PLD5: variants seen among roughly 807,000 people sequenced by gnomAD.
PLD5 encodes phospholipase D family member 5.
PLD5 carries 36 observed loss-of-function variants against 61.1 expected under a neutral mutation model. That is an observed-to-expected ratio of 0.59 (90% CI 0.45 to 0.78). The LOEUF (loss-of-function observed/expected upper bound fraction) is 0.78, where lower values mean the gene tolerates loss of function less well. PLD5 is among the 30% of genes least tolerant of loss of function. The probability of loss-of-function intolerance (pLI) is 0.00; values close to 1 mark genes in which losing one functional copy is unlikely to be tolerated. For synonymous variants in PLD5, 243 were observed against 242.8 expected (o/e 1.00, Z -0.01); for missense variants, 515 against 644.4 (o/e 0.80, Z 2.17).
chr1:242,090,674 T>C (rs1026961029), intron 9 of PLD5, among the ~76,000 whole-genome samples: 1 of 152,194 alleles, frequency 6.6e-6, no homozygotes, highest in African/African-American at 2.4e-5. Flanking sequence ...GAGAACAGCC[T>C]CTCAAGTATG....
intron 5 of PLD5, among the ~76,000 whole-genome samples, chr1:242,194,507 G>A (rs1350597165): frequency 3.9e-5 from 6 of 152,064 alleles, no homozygotes; most frequent in South Asian, 2.1e-4. Context: ...TTGCAAAATC[G>A]TGGAACCAAC....
chr1:242,136,230 T>C (rs925840726), intron 5 of PLD5, among the ~76,000 whole-genome samples: 1 of 152,202 alleles, frequency 6.6e-6, no homozygotes. Flanking sequence ...ACCATGTCGC[T>C]CAACCTCATT....
At chr1:242,142,821 T>C (rs1163902177) in intron 5 of PLD5, among the ~76,000 whole-genome samples, 3 of 151,668 alleles carry the variant, frequency 2.0e-5, no homozygotes, top group Non-Finnish European at 2.9e-5. Context: ...CTGCCTCCCA[T>C]GTTCAAGCGA....
chr1:242,439,213 G>A (rs753828338), intron 1 of PLD5, among the ~76,000 whole-genome samples: 5 of 152,150 alleles, frequency 3.3e-5, no homozygotes, highest in South Asian at 2.1e-4. Flanking sequence ...TCTTGTTCAC[G>A]TAGAGTCCAA....
chr1:242,133,178 T>C (rs1009745870), intron 5 of PLD5, among the ~76,000 whole-genome samples: 2 of 152,130 alleles, frequency 1.3e-5, no homozygotes, highest in African/African-American at 4.8e-5. Flanking sequence ...GTGACTTCAC[T>C]TCAGCCTCTG....
At chr1:242,430,749 A>C (rs1358597570) in intron 1 of PLD5, among the ~76,000 whole-genome samples, 1 of 152,260 alleles carries the variant, frequency 6.6e-6, no homozygotes, top group East Asian at 1.9e-4. Flanking sequence ...AATTGGGAGC[A>C]GACATCACTC....
rs148349833 is a variant in PLD5 at position 242,514,035 on chromosome 1, A to G, written c.189+10053T>C. On this transcript the variant is annotated intron_variant, in intron 1 of 9. Transcript: ENST00000536534. ...AAAAGATGCTACACTGGTCTCCCCA[A>G]TTCTAGGCTCTCATTCCTCAACACT... Among the ~76,000 whole-genome samples, 1,506 of 152,314 alleles carry G rather than the reference A, an allele frequency of 9.9e-3. 23 individuals are homozygous for G. Among genetic ancestry groups the G allele is most frequent in the African/African-American group, 0.033 (1,379 of 41,574 alleles).
At chr1:242,315,332 C>T (rs748423626) in intron 2 of PLD5, among the ~76,000 whole-genome samples, 3 of 152,060 alleles carry the variant, frequency 2.0e-5, no homozygotes, top group Non-Finnish European at 2.9e-5. Context: ...TAAACAATAC[C>T]GGAAAGGACA....
At chr1:242,465,905 G>A (rs943141886) in intron 1 of PLD5, among the ~76,000 whole-genome samples, 7 of 152,140 alleles carry the variant, frequency 4.6e-5, no homozygotes, top group Non-Finnish European at 1.0e-4. Context: ...CTCTAGCCTA[G>A]GCAACAGAGC....
At chr1:242,381,070 ATCAT>A (rs1431500894) in intron 1 of PLD5, among the ~76,000 whole-genome samples, 1 of 152,242 alleles carries the variant, frequency 6.6e-6, no homozygotes. Flanking sequence ...AGGAATATAA[ATCAT>A]TCTATTATAA....
intron 2 of PLD5, among the ~76,000 whole-genome samples, chr1:242,346,366 G>A (rs1343372568): frequency 2.0e-5 from 3 of 152,054 alleles, no homozygotes; most frequent in Non-Finnish European, 4.4e-5. Context: ...AAACTGCTAC[G>A]GTTTGACCTC....
intron 5 of PLD5, among the ~76,000 whole-genome samples, chr1:242,157,086 G>C (rs1665433435): frequency 6.6e-6 from 1 of 152,002 alleles, no homozygotes; most frequent in South Asian, 2.1e-4. Flanking sequence ...TTGTCTTCTA[G>C]CTTTATTTCA....
At chr1:242,194,767 T>G (rs1668529139) in intron 5 of PLD5, among the ~76,000 whole-genome samples, 1 of 151,968 alleles carries the variant, frequency 6.6e-6, no homozygotes, top group Non-Finnish European at 1.5e-5. Context: ...CTAAGTGAAG[T>G]AACTCAGGAA....
intron 2 of PLD5, among the ~76,000 whole-genome samples, chr1:242,317,949 C>T (rs777074041): frequency 3.3e-5 from 5 of 152,178 alleles, no homozygotes; most frequent in African/African-American, 4.8e-5. Context: ...CTGAATGCTA[C>T]TGTTCATGGG....
At chr1:242,501,966 G>C (rs182596076) in intron 1 of PLD5, among the ~76,000 whole-genome samples, 1 of 152,008 alleles carries the variant, frequency 6.6e-6, no homozygotes, top group East Asian at 1.9e-4. Flanking sequence ...ATATTGACTT[G>C]TATGAAAATA....
At chr1:242,478,564 G>A (rs929730730) in intron 1 of PLD5, among the ~76,000 whole-genome samples, 41 of 152,160 alleles carry the variant, frequency 2.7e-4, no homozygotes, top group African/African-American at 8.0e-4. Context: ...TGTGAAGATC[G>A]TAAGTGTGTC....
chr1:242,359,073 T>C (rs1210005892), intron 1 of PLD5, among the ~76,000 whole-genome samples: 3 of 152,098 alleles, frequency 2.0e-5, no homozygotes, highest in Admixed American at 6.5e-5. Context: ...TGACCTATGC[T>C]ATTACCTGAT....
At chr1:242,247,460 T>C (rs1672457142) in intron 4 of PLD5, among the ~76,000 whole-genome samples, 1 of 152,170 alleles carries the variant, frequency 6.6e-6, no homozygotes, top group South Asian at 2.1e-4. Context: ...TTTAATGAGA[T>C]TTTATGGTTC....
chr1:242,091,765 T>C (rs1475910846), intron 9 of PLD5, among the ~76,000 whole-genome samples: 1 of 152,142 alleles, frequency 6.6e-6, no homozygotes, highest in Non-Finnish European at 1.5e-5. Context: ...CTCCACTTGC[T>C]TTCTGTGGAC....
Sources: gnomAD v4.1 joint callset for allele counts (sites outside exome capture counted in the v4.1 genomes callset) on GRCh38, gnomAD v4.1.1 for gene constraint, MANE v1.5 for transcripts, NCBI Gene and HGNC (gene_info 2026-07-23, HGNC 2026-07-21) for gene names.